VWA8: variants seen among roughly 807,000 people sequenced by gnomAD.
The protein encoded by VWA8 is von Willebrand factor A domain-containing protein 8.
Under a neutral mutation model 241.5 loss-of-function variants are expected in VWA8, and 221 were observed. The ratio of observed to expected loss-of-function variants is 0.91; its 90% CI spans 0.82 to 1.02. The LOEUF is 1.02. Among genes scored for constraint, VWA8 ranks in the 50% least tolerant of loss-of-function variants. VWA8 has a pLI of 0.00. For synonymous variants in VWA8, 852 were observed against 827.1 expected, an observed-to-expected ratio of 1.03 and a Z score of -0.52; for missense variants, 2,322 against 2,328.7, an observed-to-expected ratio of 1.00 and a Z score of 0.06.
At chr13:41,890,329 T>C (rs1037586245) in intron 5 of VWA8, among the ~76,000 whole-genome samples, 1 of 152,216 alleles carries the variant, frequency 6.6e-6, no homozygotes, top group African/African-American at 2.4e-5. Flanking sequence ...GATTAGCACA[T>C]ATGTATCTCT....
At chr13:41,762,013 C>A (rs2045744461) in intron 20 of VWA8, among the ~76,000 whole-genome samples, 1 of 152,016 alleles carries the variant, frequency 6.6e-6, no homozygotes, top group South Asian at 2.1e-4. Flanking sequence ...CTTACTGATT[C>A]TTATATGGGT....
chr13:41,884,240 G>C (rs1874402681), intron 8 of VWA8, among the ~76,000 whole-genome samples: 1 of 152,178 alleles, frequency 6.6e-6, no homozygotes, highest in African/African-American at 2.4e-5. Flanking sequence ...GAGGGACCCA[G>C]TGGGAGACAA....
intron 4 of VWA8, among the ~76,000 whole-genome samples, chr13:41,904,879 C>T (rs1191880038): frequency 6.6e-6 from 1 of 152,044 alleles, no homozygotes; most frequent in Non-Finnish European, 1.5e-5. Flanking sequence ...TTAATATCTA[C>T]CCTTTCTAAA....
intron 21 of VWA8, among the ~76,000 whole-genome samples, chr13:41,745,623 A>C: frequency 6.6e-6 from 1 of 152,108 alleles, no homozygotes; most frequent in East Asian, 1.9e-4. Flanking sequence ...ATCATCACTG[A>C]TCATCAGAGA....
In VWA8 at chr13:41,882,611, G is replaced by A. The variant is rs887349035; in HGVS notation, c.1080+776C>T. 4.6e-5 allele frequency among the ~76,000 whole-genome samples: 7 copies of A among 152,334 alleles called. No individual in the cohort carries two copies. In the East Asian group the frequency reaches 1.2e-3, roughly 25 times the overall value. ...GCGGTTAGGAGCTGGAGACCAGCCC[G>A]GCCAACACAGCGAAACCCCGTCTCC... On this transcript the variant is annotated intron_variant, in intron 9 of 44. Transcript: ENST00000379310.
At position 41,701,544 on chromosome 13, in the gene VWA8, G is replaced by T; in HGVS notation, c.3226-14C>A. The T allele has an allele frequency of 6.6e-7, 1 of 1,525,126 alleles. No individual in the cohort carries two copies. The highest frequency in any genetic ancestry group is 8.8e-7 in the Non-Finnish European group (1 of 1,140,584). The allele number at this position is 1,525,126 out of a possible 1,614,324, so 94.5% of individuals were successfully genotyped here. A position where few individuals can be genotyped will look rare whatever the true frequency, so the allele number is the denominator to read the frequency against. On this transcript the variant is annotated splice_polypyrimidine_tract_variant and intron_variant, in intron 27 of 44. Coordinates refer to ENST00000379310, the MANE Select transcript of VWA8 (RefSeq NM_015058.2). ...AAGTGCTGGACCCTATAATAAAGCAGTTATCTCAGTTAAGATATTTTGGTT... is the reference window on the plus strand; with the variant it reads ...AAGTGCTGGACCCTATAATAAAGCATTTATCTCAGTTAAGATATTTTGGTT...
intron 5 of VWA8, among the ~76,000 whole-genome samples, chr13:41,888,792 T>C (rs561603595): frequency 6.6e-6 from 1 of 152,358 alleles, no homozygotes; most frequent in African/African-American, 2.4e-5. Flanking sequence ...CAAATGTCTG[T>C]TGACTGATTG....
chr13:41,916,295 T>C (rs1286273743), intron 2 of VWA8, among the ~76,000 whole-genome samples: 1 of 152,232 alleles, frequency 6.6e-6, no homozygotes, highest in Non-Finnish European at 1.5e-5. Context: ...CCAAGATTTA[T>C]ACCTAAGTTG....
At chr13:41,780,292 G>T (rs1868831525) in intron 19 of VWA8, among the ~76,000 whole-genome samples, 2 of 152,114 alleles carry the variant, frequency 1.3e-5, no homozygotes, top group South Asian at 4.1e-4. Flanking sequence ...ATCTTCAACA[G>T]CAAAACTCCT....
At chr13:41,715,691 A>C (rs1380942540) in intron 26 of VWA8, among the ~76,000 whole-genome samples, 1 of 152,024 alleles carries the variant, frequency 6.6e-6, no homozygotes, top group Admixed American at 6.6e-5. Flanking sequence ...GTTTGGACCT[A>C]ATTCTCTTAA....
chr13:41,898,241 G>C (rs1041767402), intron 4 of VWA8, among the ~76,000 whole-genome samples: 2 of 152,024 alleles, frequency 1.3e-5, no homozygotes, highest in Non-Finnish European at 1.5e-5. Flanking sequence ...AGTGTCGATT[G>C]GTGCACTCAC....
chr13:41,575,658 G>C, intron 43 of VWA8, 82 bp downstream of exon 43: 1 of 979,576 alleles, frequency 1.0e-6, no homozygotes, highest in South Asian at 1.7e-5. Flanking sequence ...CTGTGTATCT[G>C]CTGCTGCTTC....
intron 4 of VWA8, among the ~76,000 whole-genome samples, chr13:41,898,653 G>C (rs1337278832): frequency 6.6e-6 from 1 of 152,336 alleles, no homozygotes; most frequent in South Asian, 2.1e-4. Flanking sequence ...CGGGAGGCTC[G>C]GGCTGCACAG....
chr13:41,753,464 T>C (rs1289156546), intron 21 of VWA8, among the ~76,000 whole-genome samples: 1 of 152,164 alleles, frequency 6.6e-6, no homozygotes, highest in African/African-American at 2.4e-5. Flanking sequence ...CATAACATCA[T>C]AGAAAAACAA....
intron 2 of VWA8, among the ~76,000 whole-genome samples, chr13:41,918,978 T>C (rs1194995402): frequency 1.3e-5 from 2 of 152,190 alleles, no homozygotes; most frequent in African/African-American, 4.8e-5. Context: ...TAATTCTACA[T>C]AGCACATGGG....
intron 37 of VWA8, among the ~76,000 whole-genome samples, chr13:41,658,316 T>C (rs1273585144): frequency 6.6e-6 from 1 of 152,254 alleles, no homozygotes; most frequent in East Asian, 1.9e-4. Context: ...CATTTGACTA[T>C]GCATGTTTCT....
intron 24 of VWA8, among the ~76,000 whole-genome samples, chr13:41,722,989 G>A (rs1216790503): frequency 6.6e-6 from 1 of 152,140 alleles, no homozygotes; most frequent in Non-Finnish European, 1.5e-5. Context: ...AATACAATGG[G>A]AAGCCATGGA....
chr13:41,796,950 C>T (rs746978517), intron 17 of VWA8, among the ~76,000 whole-genome samples: 15 of 152,082 alleles, frequency 9.9e-5, no homozygotes, highest in Non-Finnish European at 1.8e-4. Flanking sequence ...TTTGTTATTG[C>T]TATGAATTCT....
chr13:41,902,508 C>A (rs747807810), intron 4 of VWA8, among the ~76,000 whole-genome samples: 8 of 152,142 alleles, frequency 5.3e-5, no homozygotes, highest in Non-Finnish European at 1.2e-4. Flanking sequence ...AACATAAGCT[C>A]TATAACAACA....
Sources: gnomAD v4.1 joint callset for allele counts (sites outside exome capture counted in the v4.1 genomes callset) on GRCh38, gnomAD v4.1.1 for gene constraint, MANE v1.5 for transcripts, NCBI Gene and HGNC (gene_info 2026-07-23, HGNC 2026-07-21) for gene names.